The following RABEP1 variants were observed in gnomAD, a reference collection of about 807,000 sequenced individuals.
RABEP1 encodes rab GTPase-binding effector protein 1.
In RABEP1, 51 loss-of-function variants were observed where a neutral mutation model predicts 123.4. The observed-to-expected ratio is 0.41, with a 90% CI of 0.33 to 0.52. RABEP1 has a LOEUF of 0.52. Among genes scored for constraint, RABEP1 ranks in the 20% least tolerant of loss-of-function variants. The probability of loss-of-function intolerance (pLI) is 0.16; values close to 1 mark genes in which losing one functional copy is unlikely to be tolerated. For missense variants in RABEP1, 888 were observed against 996.3 expected (o/e 0.89, Z 1.46); for synonymous variants, 347 against 355.2 (o/e 0.98, Z 0.26).
intron 12 of RABEP1, among the ~76,000 whole-genome samples, chr17:5,372,061 A>G (rs1910566219): frequency 6.6e-6 from 1 of 152,064 alleles, no homozygotes; most frequent in Non-Finnish European, 1.5e-5. Flanking sequence ...GATTTGGTGG[A>G]TAACTTTTAT....
chr17:5,299,696 A>ATTTCTTTTTCTTTTTTTCT (rs1279487417), intron 1 of RABEP1, among the ~76,000 whole-genome samples: 1 of 105,306 alleles, frequency 9.5e-6, no homozygotes, highest in Non-Finnish European at 2.0e-5. Flanking sequence ...CTCTGCACTC[A>ATTTCTTTTTCTTTTTTTCT]TTTCTTTTTC....
At chr17:5,290,248 C>A (rs1292479120) in intron 1 of RABEP1, among the ~76,000 whole-genome samples, 4 of 152,158 alleles carry the variant, frequency 2.6e-5, no homozygotes, top group Non-Finnish European at 5.9e-5. Context: ...CCACCACACC[C>A]GGCTAATTTT....
intron 7 of RABEP1, among the ~76,000 whole-genome samples, chr17:5,352,986 A>T (rs62075135): frequency 1.3e-5 from 2 of 151,980 alleles, no homozygotes; most frequent in African/African-American, 4.8e-5. Flanking sequence ...CTCCATAAGC[A>T]GTAGGGACTA....
At chr17:5,358,534 G>C (rs1187366843) in intron 8 of RABEP1, among the ~76,000 whole-genome samples, 1 of 152,080 alleles carries the variant, frequency 6.6e-6, no homozygotes, top group Non-Finnish European at 1.5e-5. Flanking sequence ...GTCGTGCATG[G>C]TGTCTGGCGC....
rs917459539 is a variant in RABEP1 at position 5,384,476 on chromosome 17, A to G, written c.*1253A>G. 1.8e-5 allele frequency: 4 copies of G among 216,402 alleles called. No individual in the cohort carries two copies. Among genetic ancestry groups the G allele is most frequent in the African/African-American group, 9.0e-5 (4 of 44,480 alleles). The allele number at this position is 216,402 out of a possible 1,614,324, so 13.4% of individuals were successfully genotyped here. A position where few individuals can be genotyped will look rare whatever the true frequency, so the allele number is the denominator to read the frequency against. On this transcript the variant is annotated 3_prime_UTR_variant, in exon 18 of 18. Coordinates refer to ENST00000537505, the MANE Select transcript of RABEP1 (RefSeq NM_004703.6). ...TCAAATCATTTTTGAGACTGGTTGC[A>G]TAACAGCAGGGTACCTGAAAGAGCC...
intron 1 of RABEP1, among the ~76,000 whole-genome samples, chr17:5,296,735 A>G (rs1235006402): frequency 6.6e-6 from 1 of 151,996 alleles, no homozygotes; most frequent in Non-Finnish European, 1.5e-5. Flanking sequence ...TATTTTGTCA[A>G]TTTTATTTTC....
At chr17:5,331,897 C>G in intron 2 of RABEP1, 52 bp from the exon 3 acceptor site, 5 of 1,496,612 alleles carry the variant, frequency 3.3e-6, no homozygotes, top group Non-Finnish European at 3.7e-6. Flanking sequence ...TATTGGAATG[C>G]CAGTCTGATC....
intron 13 of RABEP1, among the ~76,000 whole-genome samples, chr17:5,375,744 T>C (rs1910938961): frequency 6.6e-6 from 1 of 152,066 alleles, no homozygotes; most frequent in South Asian, 2.1e-4. Context: ...CTGTCTACTT[T>C]TGCTATCAGC....
chr17:5,322,323 G>A (rs565435439), intron 2 of RABEP1, among the ~76,000 whole-genome samples: 1 of 152,110 alleles, frequency 6.6e-6, no homozygotes, highest in Middle Eastern at 3.4e-3. Flanking sequence ...GTGCCACTCT[G>A]CATGCCAAGT....
intron 1 of RABEP1, among the ~76,000 whole-genome samples, chr17:5,295,052 TAAATG>T (rs1408076593): frequency 6.6e-6 from 1 of 152,078 alleles, no homozygotes; most frequent in Non-Finnish European, 1.5e-5. Context: ...TTTTCCCACT[TAAATG>T]AAGAGATGTT....
intron 3 of RABEP1, among the ~76,000 whole-genome samples, chr17:5,334,828 G>T (rs1262697832): frequency 6.6e-6 from 1 of 152,098 alleles, no homozygotes; most frequent in Non-Finnish European, 1.5e-5. Flanking sequence ...ATTTGCCTTG[G>T]GAGCCATAGT....
At chr17:5,362,885 A>G (rs1909676959) in intron 9 of RABEP1, 27 bp from the exon 10 acceptor site, 1 of 1,481,668 alleles carries the variant, frequency 6.7e-7, no homozygotes, top group Non-Finnish European at 9.4e-7. Context: ...GTTTTGCCTG[A>G]TAAGAGGTAA....
At chr17:5,335,464 G>A (rs966054586) in intron 4 of RABEP1, 120 bp downstream of exon 4, 1 of 877,316 alleles carries the variant, frequency 1.1e-6, no homozygotes, top group East Asian at 2.7e-5. Context: ...ATAATTATTT[G>A]GACACAGACC....
intron 10 of RABEP1, chr17:5,364,196 C>T (rs1473110798): frequency 6.6e-6 from 1 of 152,104 alleles, no homozygotes; most frequent in Non-Finnish European, 1.5e-5. Context: ...ATAAACATTT[C>T]AGTAGACTGT....
chr17:5,317,137 G>A (rs2075306220), intron 2 of RABEP1, among the ~76,000 whole-genome samples: 2 of 152,020 alleles, frequency 1.3e-5, no homozygotes, highest in South Asian at 4.1e-4. Context: ...CAAAACCAAG[G>A]AAGACATCAC....
intron 5 of RABEP1, among the ~76,000 whole-genome samples, chr17:5,338,485 T>G (rs555437107): frequency 1.3e-5 from 2 of 152,298 alleles, no homozygotes; most frequent in East Asian, 3.9e-4. Context: ...GGAGAATCGC[T>G]TGAAGCCCGG....
chr17:5,376,710 T>C (rs1321363404), intron 13 of RABEP1, among the ~76,000 whole-genome samples: 1 of 152,222 alleles, frequency 6.6e-6, no homozygotes, highest in East Asian at 1.9e-4. Context: ...TGTTATCCTC[T>C]TAGTTCACAC....
At chr17:5,350,274 G>A (rs1313639344) in intron 6 of RABEP1, among the ~76,000 whole-genome samples, 177 bp from the exon 7 acceptor site, 15 of 152,186 alleles carry the variant, frequency 9.9e-5, no homozygotes, top group Admixed American at 7.2e-4. Context: ...CAGCTACTCC[G>A]GAGGCTGAGG....
At chr17:5,302,592 T>C (rs1338519046) in intron 1 of RABEP1, among the ~76,000 whole-genome samples, 83 of 92,232 alleles carry the variant, frequency 9.0e-4, no homozygotes, top group Non-Finnish European at 1.4e-3. Context: ...TTTTTTAGAC[T>C]TTTTTTTTTT....
Sources: gnomAD v4.1 joint callset for allele counts (sites outside exome capture counted in the v4.1 genomes callset) on GRCh38, gnomAD v4.1.1 for gene constraint, MANE v1.5 for transcripts, NCBI Gene and HGNC (gene_info 2026-07-23, HGNC 2026-07-21) for gene names.